Variants in PPM1H observed in about 807,000 individuals in gnomAD.
The protein encoded by PPM1H is protein phosphatase 1H.
Under a neutral mutation model 54.9 loss-of-function variants are expected in PPM1H, and 27 were observed. The ratio of observed to expected loss-of-function variants is 0.49; its 90% confidence interval spans 0.36 to 0.68. The LOEUF is 0.68. PPM1H is among the 30% of genes least tolerant of loss of function. PPM1H has a pLI of 0.00. For synonymous variants in PPM1H, 305 were observed against 270.8 expected (o/e 1.13, Z -1.24); for missense variants, 596 against 667.8 (o/e 0.89, Z 1.19).
intron 1 of PPM1H, among the ~76,000 whole-genome samples, chr12:62,878,187 C>T (rs1288656945): frequency 2.0e-5 from 3 of 152,176 alleles, no homozygotes; most frequent in African/African-American, 4.8e-5. Flanking sequence ...CGTGAGCCAC[C>T]GCGCCCAGCC....
chr12:62,886,067 C>T (rs1870577087), intron 1 of PPM1H, among the ~76,000 whole-genome samples: 1 of 152,346 alleles, frequency 6.6e-6, no homozygotes. Context: ...TGAAAGGCTA[C>T]TATACATCTA....
chr12:62,871,211 T>TA (rs557812702), intron 1 of PPM1H, among the ~76,000 whole-genome samples: 274 of 152,116 alleles, frequency 1.8e-3, no homozygotes, highest in Non-Finnish European at 3.5e-3. Flanking sequence ...TATTCAGCCA[T>TA]AAAAAGGAAG....
chr12:62,865,961 G>A (rs1869759774), intron 1 of PPM1H, among the ~76,000 whole-genome samples: 1 of 152,182 alleles, frequency 6.6e-6, no homozygotes, highest in African/African-American at 2.4e-5. Context: ...TCCCAGCTCA[G>A]TTTATAAATT....
chr12:62,735,345 G>A (rs2076344665), intron 5 of PPM1H, among the ~76,000 whole-genome samples: 1 of 151,930 alleles, frequency 6.6e-6, no homozygotes, highest in Non-Finnish European at 1.5e-5. Context: ...CTGAGTAGCT[G>A]GGACTACAGG....
intron 1 of PPM1H, among the ~76,000 whole-genome samples, chr12:62,869,883 C>T (rs1336960914): frequency 6.6e-6 from 1 of 152,132 alleles, no homozygotes; most frequent in Non-Finnish European, 1.5e-5. Context: ...ACCCCCAACT[C>T]TTTTCTCAGC....
intron 2 of PPM1H, among the ~76,000 whole-genome samples, chr12:62,817,457 G>T (rs1565797819): frequency 6.8e-6 from 1 of 146,112 alleles, no homozygotes; most frequent in Non-Finnish European, 1.5e-5. Flanking sequence ...GAGAGACCCT[G>T]TCTCAAAAAA....
intron 4 of PPM1H, among the ~76,000 whole-genome samples, chr12:62,750,118 T>C (rs550413140): frequency 6.6e-6 from 1 of 152,348 alleles, no homozygotes; most frequent in African/African-American, 2.4e-5. Flanking sequence ...TTTTGAATTA[T>C]AGTCTGCATA....
chr12:62,728,995 CAAG>C (rs1371577751), intron 5 of PPM1H, among the ~76,000 whole-genome samples: 1 of 152,040 alleles, frequency 6.6e-6, no homozygotes, highest in African/African-American at 2.4e-5. Flanking sequence ...TAGTGTCAGC[CAAG>C]AAGGAGACTG....
rs551823153 is a variant in PPM1H, at chr12:62,741,642, G to A, written c.870-4056C>T. ...CTCCATGCCCCTTCTCTGTGACCCC[G>A]TGGTGTCTATGCCTAGCTGTACCCT... On this transcript the variant is annotated intron_variant, in intron 4 of 9. Coordinates refer to ENST00000228705, the MANE Select transcript of PPM1H (RefSeq NM_020700.2). Among the ~76,000 whole-genome samples the A allele has an allele frequency of 3.3e-5, 5 of 152,194 alleles. No homozygotes were observed. In the South Asian group the frequency reaches 8.3e-4, roughly 25 times the overall value.
chr12:62,780,040 TTGA>T (rs1487257623), intron 4 of PPM1H, among the ~76,000 whole-genome samples: 1 of 152,128 alleles, frequency 6.6e-6, no homozygotes, highest in Non-Finnish European at 1.5e-5. Flanking sequence ...CCCAAATGGG[TTGA>T]TGTTAGGATT....
intron 1 of PPM1H, among the ~76,000 whole-genome samples, chr12:62,904,119 G>A (rs1871239209): frequency 6.6e-6 from 1 of 152,044 alleles, no homozygotes; most frequent in African/African-American, 2.4e-5. Flanking sequence ...GTAGGGAACC[G>A]AGATACCATT....
At chr12:62,773,292 T>C (rs572352500) in intron 4 of PPM1H, among the ~76,000 whole-genome samples, 9 of 151,996 alleles carry the variant, frequency 5.9e-5, no homozygotes, top group Non-Finnish European at 1.3e-4. Flanking sequence ...CTAAGTGATG[T>C]AGGGAGAACC....
At chr12:62,676,389 TG>T (rs1347807151) in intron 8 of PPM1H, among the ~76,000 whole-genome samples, 1 of 152,084 alleles carries the variant, frequency 6.6e-6, no homozygotes, top group Non-Finnish European at 1.5e-5. Context: ...ATGGAGCTGG[TG>T]GGAGCTGGGA....
In PPM1H at chr12:62,673,715, C is replaced by CTTTTTTTTTTTTTTTTTTTTTTTTTTTT. The variant is rs567775927; in HGVS notation, c.1246-6414_1246-6387dup. Among the ~76,000 whole-genome samples, 74 of 41,968 alleles carry CTTTTTTTTTTTTTTTTTTTTTTTTTTTT rather than the reference C, an allele frequency of 1.8e-3. 19 individuals are homozygous for CTTTTTTTTTTTTTTTTTTTTTTTTTTTT. The highest frequency in any genetic ancestry group is 4.6e-3 in the South Asian group (3 of 652). The allele number at this position is 41,968 out of a possible 152,430, so 27.5% of individuals were successfully genotyped here. On this transcript the variant is annotated intron_variant, in intron 8 of 9. Coordinates refer to ENST00000228705, the MANE Select transcript of PPM1H (RefSeq NM_020700.2). ...GCTTTGTGACTTGAGAAGAGCCACT[C>CTTTTTTTTTTTTTTTTTTTTTTTTTTTT]TTTTTTTTTTTTTTTTTTTTTTTTT...
At chr12:62,707,097 GGA>G (rs2076179374) in intron 6 of PPM1H, among the ~76,000 whole-genome samples, 1 of 152,174 alleles carries the variant, frequency 6.6e-6, no homozygotes, top group Non-Finnish European at 1.5e-5. Flanking sequence ...ATCAGGCCTT[GGA>G]GATGGGGTGT....
intron 4 of PPM1H, among the ~76,000 whole-genome samples, chr12:62,768,359 G>A (rs1048287057): frequency 7.9e-5 from 12 of 152,076 alleles, no homozygotes; most frequent in Non-Finnish European, 1.2e-4. Context: ...GGGACAATCC[G>A]GGATGTGAAG....
Position 62,648,251 on chromosome 12 carries a change from T to A in PPM1H, c.*238A>T. On this transcript the variant is annotated 3_prime_UTR_variant, in exon 10 of 10. Coordinates refer to ENST00000228705, the MANE Select transcript of PPM1H (RefSeq NM_020700.2). ...CGGAGGCCTATGAAAGGAACTGAAA[T>A]ACAACAACACTTGGTAGCAGCCTTT... The A allele has an allele frequency of 2.1e-6, 1 of 478,478 alleles. No individual in the cohort carries two copies. Among genetic ancestry groups the A allele is most frequent in the South Asian group, 3.1e-5 (1 of 32,736 alleles). The allele number at this position is 478,478 out of a possible 1,614,324, so 29.6% of individuals were successfully genotyped here.
chr12:62,902,466 T>G (rs1871188037), intron 1 of PPM1H, among the ~76,000 whole-genome samples: 2 of 152,230 alleles, frequency 1.3e-5, no homozygotes, highest in Admixed American at 1.3e-4. Flanking sequence ...TAGCACTGTT[T>G]GTGACTGCCC....
intron 1 of PPM1H, among the ~76,000 whole-genome samples, chr12:62,925,170 A>G (rs747862240): frequency 1.3e-5 from 2 of 152,266 alleles, no homozygotes; most frequent in African/African-American, 2.4e-5. Flanking sequence ...ACTAATTAAA[A>G]AAGGGGAAAC....
Sources: gnomAD v4.1 joint callset for allele counts (sites outside exome capture counted in the v4.1 genomes callset) on GRCh38, gnomAD v4.1.1 for gene constraint, MANE v1.5 for transcripts, NCBI Gene and HGNC (gene_info 2026-07-23, HGNC 2026-07-21) for gene names.